The following PARP16 variants were observed in gnomAD, a reference collection of about 807,000 sequenced individuals.
The protein encoded by PARP16 is protein mono-ADP-ribosyltransferase PARP16.
Under a neutral mutation model 35.0 loss-of-function variants are expected in PARP16, and 31 were observed. The ratio of observed to expected loss-of-function variants is 0.88; its 90% CI spans 0.66 to 1.19. The LOEUF is 1.19. Ranked by LOEUF, PARP16 falls within the 50% of genes most tolerant of loss-of-function variation. The pLI, the probability that PARP16 is intolerant of heterozygous loss-of-function variation, is 0.00. For synonymous variants in PARP16, 162 were observed against 169.5 expected (o/e 0.96, Z 0.34); for missense variants, 424 against 411.2 (o/e 1.03, Z -0.27).
chr15:65,272,057 T>G (rs1307788003), intron 1 of PARP16, among the ~76,000 whole-genome samples: 1 of 152,220 alleles, frequency 6.6e-6, no homozygotes, highest in African/African-American at 2.4e-5. Flanking sequence ...AAAATGGAGC[T>G]TCACTTAGGC....
chr15:65,279,872 T>C (rs2090366494), intron 1 of PARP16, among the ~76,000 whole-genome samples: 1 of 151,200 alleles, frequency 6.6e-6, no homozygotes, highest in Non-Finnish European at 1.5e-5. Flanking sequence ...AGGATGGGGC[T>C]CAGACGTCAG....
downstream of PARP16, among the ~76,000 whole-genome samples, chr15:65,255,426 A>AT (rs772447738): frequency 6.6e-6 from 1 of 152,198 alleles, no homozygotes; most frequent in Non-Finnish European, 1.5e-5. Context: ...ATAAAATATA[A>AT]TTTTAAATAC....
chr15:65,245,564 G>T lies in PARP16; in HGVS notation c.*97+2553C>A, dbSNP rs114322882. Among the ~76,000 whole-genome samples the T allele has an allele frequency of 8.0e-3, 1,216 of 152,252 alleles. 15 individuals carry two copies. The highest frequency in any genetic ancestry group is 0.027 in the African/African-American group (1,140 of 41,534). On this transcript the variant is annotated intron_variant and NMD_transcript_variant, in intron 3 of 3. Coordinates refer to the PARP16 transcript ENST00000559805. ...AGAGTCCCATGGAGTATGTGTAGGAGGGTGTCAGAGCTGCTTGTATGGAAG... is the reference window on the plus strand; with the variant it reads ...AGAGTCCCATGGAGTATGTGTAGGATGGTGTCAGAGCTGCTTGTATGGAAG...
downstream of PARP16, among the ~76,000 whole-genome samples, chr15:65,254,735 G>A (rs942444451): frequency 2.6e-5 from 4 of 152,124 alleles, no homozygotes; most frequent in Admixed American, 2.0e-4. Context: ...GCTCAGATGC[G>A]ATGGGGCCAT....
intron 4 of PARP16, 39 bp from the exon 5 acceptor site, chr15:65,261,065 A>G: frequency 6.3e-7 from 1 of 1,596,082 alleles, no homozygotes; most frequent in Non-Finnish European, 8.6e-7. Flanking sequence ...ACTGGGGGAA[A>G]CAGAACTAAG....
intron 3 of PARP16, among the ~76,000 whole-genome samples, chr15:65,236,552 A>G (rs897807007): frequency 6.6e-6 from 1 of 152,268 alleles, no homozygotes; most frequent in Non-Finnish European, 1.5e-5. Context: ...GCAGCCTGAG[A>G]GGCAGCTAGT....
chr15:65,239,559 C>T (rs1185401096), intron 3 of PARP16, among the ~76,000 whole-genome samples: 1 of 151,280 alleles, frequency 6.6e-6, no homozygotes, highest in Admixed American at 6.6e-5. Context: ...TTCCCTTCCC[C>T]ACCTCCCATT....
intron 1 of PARP16, among the ~76,000 whole-genome samples, chr15:65,283,050 C>T (rs1360187954): frequency 6.6e-6 from 1 of 152,176 alleles, no homozygotes; most frequent in Non-Finnish European, 1.5e-5. Context: ...ATTCACCAAA[C>T]AAACCTGATT....
At chr15:65,269,190 T>TCTCTCTCTCTCTCTCTCTCTCTCTCTC (rs58433603) in intron 2 of PARP16, among the ~76,000 whole-genome samples, 2 of 148,166 alleles carry the variant, frequency 1.3e-5, no homozygotes, top group African/African-American at 5.1e-5. Context: ...CTTTCTTTCT[T>TCTCTCTCTCTCTCTCTCTCTCTCTCTC]TCTTTCTTTC....
At chr15:65,231,013 G>A (rs922843813), downstream of PARP16, among the ~76,000 whole-genome samples, 10 of 149,804 alleles carry the variant, frequency 6.7e-5, no homozygotes, top group Non-Finnish European at 1.3e-4. Context: ...CTCAGCCTCC[G>A]GAGTAACTGG....
intron 2 of PARP16, among the ~76,000 whole-genome samples, chr15:65,270,395 T>C (rs1255864180): frequency 1.3e-5 from 2 of 152,284 alleles, no homozygotes; most frequent in South Asian, 2.1e-4. Context: ...TCGATAGAAA[T>C]GGGATTTGAA....
chr15:65,285,622 G>C (rs1030598397), intron 1 of PARP16: 2 of 201,876 alleles, frequency 9.9e-6, no homozygotes, highest in Non-Finnish European at 2.1e-5. Flanking sequence ...TCAGCTATTG[G>C]CGATTTCAAT....
rs573536435 is a variant in PARP16, at chr15:65,277,308, G to C, written c.175-6236C>G. Among the ~76,000 whole-genome samples the C allele has an allele frequency of 2.0e-5, 3 of 152,210 alleles. No individual in the cohort carries two copies. The South Asian group carries it at 6.2e-4, about 32-fold the overall frequency. ...CTGTACTCAATAATTGTATTCTATT[G>C]TGTTCAGCAATACAGCAGAGCCCCA... On this transcript the variant is annotated intron_variant, in intron 1 of 5. Coordinates refer to ENST00000649807, the MANE Select transcript of PARP16 (RefSeq NM_001316943.2).
intron 2 of PARP16, among the ~76,000 whole-genome samples, chr15:65,252,306 CGA>C (rs2089382806): frequency 6.6e-6 from 1 of 152,198 alleles, no homozygotes; most frequent in Admixed American, 6.5e-5. Context: ...CAAAGGAAAT[CGA>C]TGGCCAAAGA....
intron 3 of PARP16, among the ~76,000 whole-genome samples, chr15:65,240,330 GT>G: frequency 7.0e-6 from 1 of 142,332 alleles, no homozygotes; most frequent in East Asian, 2.1e-4. Flanking sequence ...GCTAGTGTGT[GT>G]GTGTGTGTGT....
chr15:65,239,468 A>G (rs1221236181), intron 3 of PARP16, among the ~76,000 whole-genome samples: 7 of 145,470 alleles, frequency 4.8e-5, no homozygotes, highest in Non-Finnish European at 9.0e-5. Flanking sequence ...GAAAAGAAAA[A>G]AAAAAGAAAA....
At position 65,259,486 on chromosome 15, in the gene PARP16, A is replaced by G; in HGVS notation, c.890T>C (p.Leu297Pro). Residue 297 changes from leucine (L) to proline (P), a missense_variant, in exon 6 of 6, where the codon CTG becomes CCG. Physicochemically the swap from Leu to Pro is moderately conservative, Grantham distance 98. Transcript: ENST00000649807. Reference sequence around the variant, plus strand: ...CACTATGAGCAGCAGCAGCAGATACAGGGATATCATGACGGTAAACCAATG... The same window carrying G: ...CACTATGAGCAGCAGCAGCAGATACGGGGATATCATGACGGTAAACCAATG... ...SSHWFTVMIS[L>P]YLLLLLIVSV... 3.7e-6 allele frequency: 6 copies of G among 1,613,530 alleles called. No homozygotes were observed. The highest frequency in any genetic ancestry group is 5.1e-6 in the Non-Finnish European group (6 of 1,179,384).
intron 3 of PARP16, among the ~76,000 whole-genome samples, chr15:65,246,810 A>G (rs1306110596): frequency 6.6e-6 from 1 of 152,060 alleles, no homozygotes; most frequent in Non-Finnish European, 1.5e-5. Flanking sequence ...TTTCTCCCCC[A>G]CTGTCCCCAC....
In PARP16 at chr15:65,258,674, C is replaced by T. The variant is rs974065510; in HGVS notation, c.*733G>A. 1 of 152,512 alleles carries T rather than the reference C, an allele frequency of 6.6e-6. No homozygotes were observed. Among genetic ancestry groups the T allele is most frequent in the Non-Finnish European group, 1.5e-5 (1 of 68,014 alleles). 9.4% of individuals were successfully genotyped at this position (152,512 alleles called of 1,614,324 possible). A position where few individuals can be genotyped will look rare whatever the true frequency, so the allele number is the denominator to read the frequency against. ...CAGCTATTAAAAAAAAATCAGAAAA[C>T]AAACATTTGGTTCCATTTCAGCTGT... is the stretch of plus-strand genomic sequence containing the variant. On this transcript the variant is annotated 3_prime_UTR_variant, in exon 6 of 6. Coordinates refer to ENST00000649807, the MANE Select transcript of PARP16 (RefSeq NM_001316943.2).
Sources: gnomAD v4.1 joint callset for allele counts (sites outside exome capture counted in the v4.1 genomes callset) on GRCh38, gnomAD v4.1.1 for gene constraint, MANE v1.5 for transcripts, NCBI Gene and HGNC (gene_info 2026-07-23, HGNC 2026-07-21) for gene names.